The following SLCO5A1 variants were observed in gnomAD, a reference collection of about 807,000 sequenced individuals.
The protein encoded by SLCO5A1 is solute carrier organic anion transporter family member 5A1, also known as organic anion transporter polypeptide-related protein 4.
Under a neutral mutation model 65.1 loss-of-function variants are expected in SLCO5A1, and 39 were observed. The ratio of observed to expected loss-of-function variants is 0.60; its 90% CI spans 0.46 to 0.78. The LOEUF is 0.78. Among genes scored for constraint, SLCO5A1 ranks in the 30% least tolerant of loss-of-function variants. SLCO5A1 has a pLI of 0.00. For missense variants in SLCO5A1, 1,029 were observed against 1,069.4 expected (o/e 0.96, Z 0.53); for synonymous variants, 438 against 415.7 (o/e 1.05, Z -0.65).
chr8:69,679,335 T>C (rs1466234755), intron 8 of SLCO5A1, 43 bp downstream of exon 8: 3 of 1,608,994 alleles, frequency 1.9e-6, no homozygotes, highest in Non-Finnish European at 2.5e-6. Flanking sequence ...CTCTGGAAAT[T>C]ATAAGTACAG....
intron 3 of SLCO5A1, 149 bp downstream of exon 3, chr8:69,761,594 G>A: frequency 1.4e-6 from 1 of 733,444 alleles, no homozygotes; most frequent in South Asian, 1.8e-5. Context: ...GCTTTCTTTG[G>A]GATGTTATTA....
intron 5 of SLCO5A1, among the ~76,000 whole-genome samples, chr8:69,727,231 A>G (rs1816123459): frequency 6.6e-6 from 1 of 152,126 alleles, no homozygotes; most frequent in Admixed American, 6.5e-5. Flanking sequence ...GAGTGGATAG[A>G]TGGATGAATG....
At position 69,704,933 on chromosome 8, in the gene SLCO5A1, T is replaced by C; in HGVS notation, c.1622+98A>G. ...CAGAGCACACACAGGGAGAACAGCT[T>C]GGAGGGAGGGGTATGAGGCTGACTG... On this transcript the variant is annotated intron_variant, in intron 6 of 9. Transcript: ENST00000260126. 6 of 1,105,342 alleles carry C rather than the reference T, an allele frequency of 5.4e-6. No individual in the cohort carries two copies. In the South Asian group the frequency reaches 8.2e-5, roughly 15 times the overall value. The allele number at this position is 1,105,342 out of a possible 1,614,324, so 68.5% of individuals were successfully genotyped here. A position where few individuals can be genotyped will look rare whatever the true frequency, so the allele number is the denominator to read the frequency against.
At chr8:69,788,234 C>T (rs1019898889) in intron 2 of SLCO5A1, among the ~76,000 whole-genome samples, 10 of 152,124 alleles carry the variant, frequency 6.6e-5, no homozygotes, top group African/African-American at 2.2e-4. Context: ...GAAGTATGCT[C>T]ATCCCATAAG....
At chr8:69,789,530 G>A (rs1819179728) in intron 2 of SLCO5A1, among the ~76,000 whole-genome samples, 1 of 152,152 alleles carries the variant, frequency 6.6e-6, no homozygotes, top group Non-Finnish European at 1.5e-5. Context: ...GTTGGGTGGG[G>A]GAGTGGCCGG....
Position 69,705,357 on chromosome 8 carries a change from T to C in SLCO5A1, c.1424-128A>G, listed in dbSNP as rs114610232. 1.8e-3 allele frequency: 1,258 copies of C among 717,598 alleles called. 19 individuals carry two copies. The African/African-American group carries it at 0.02, about 12-fold the overall frequency. The allele number at this position is 717,598 out of a possible 1,614,324, so 44.5% of individuals were successfully genotyped here. A position where few individuals can be genotyped will look rare whatever the true frequency, so the allele number is the denominator to read the frequency against. ...AGTTACTATAATCAATACATCTTCA[T>C]TGTGTGTGATTTTATAGTATAATAT... is the stretch of plus-strand genomic sequence containing the variant. On this transcript the variant is annotated intron_variant, in intron 5 of 9. Coordinates refer to ENST00000260126, the MANE Select transcript of SLCO5A1 (RefSeq NM_030958.3).
At chr8:69,739,449 G>A (rs987463324) in intron 4 of SLCO5A1, among the ~76,000 whole-genome samples, 4 of 152,088 alleles carry the variant, frequency 2.6e-5, no homozygotes, top group African/African-American at 9.7e-5. Context: ...GTACATTTAT[G>A]TAATCTTTAT....
intron 2 of SLCO5A1, among the ~76,000 whole-genome samples, chr8:69,789,442 G>A (rs1819175491): frequency 6.6e-6 from 1 of 152,212 alleles, no homozygotes; most frequent in Non-Finnish European, 1.5e-5. Context: ...AGTGGTCAAA[G>A]ACAGTAAGGG....
At position 69,762,802 on chromosome 8, in the gene SLCO5A1, A is replaced by G. The variant is rs562657591; in HGVS notation, c.908-927T>C. On this transcript the variant is annotated intron_variant, in intron 2 of 9. Transcript: ENST00000260126. ...TGTTAGAATTAAATAAGATGTTACA[A>G]TGCATTTGGTTTACTGTTAATTGAA... is the stretch of plus-strand genomic sequence containing the variant. Among the ~76,000 whole-genome samples, 17 of 152,358 alleles carry G rather than the reference A, an allele frequency of 1.1e-4. No homozygotes were observed. The East Asian group carries it at 3.3e-3, about 29-fold the overall frequency.
chr8:69,834,584 C>T lies in SLCO5A1; in HGVS notation c.-497+270G>A, dbSNP rs1174991787. The stretch of plus-strand genomic sequence containing the variant: ...GGGGAATCCCAGCAAACTCTCGCCG[C>T]TCGCGGGGGGCGTCCGAACCCCCTG... On this transcript the variant is annotated intron_variant, in intron 1 of 9. Coordinates refer to ENST00000260126, the MANE Select transcript of SLCO5A1 (RefSeq NM_030958.3). 3.3e-5 allele frequency among the ~76,000 whole-genome samples: 5 copies of T among 152,244 alleles called. No individual in the cohort carries two copies. In the East Asian group the frequency reaches 5.8e-4, roughly 18 times the overall value.
At chr8:69,683,789 C>T (rs1186353125) in intron 6 of SLCO5A1, among the ~76,000 whole-genome samples, 1 of 152,128 alleles carries the variant, frequency 6.6e-6, no homozygotes, top group African/African-American at 2.4e-5. Flanking sequence ...TCTCGAACTC[C>T]TAACCTCGTG....
intron 6 of SLCO5A1, among the ~76,000 whole-genome samples, chr8:69,691,650 G>A (rs961140392): frequency 6.6e-6 from 1 of 152,104 alleles, no homozygotes; most frequent in Non-Finnish European, 1.5e-5. Context: ...GTTGCATATT[G>A]CAGAATTTCC....
intron 2 of SLCO5A1, among the ~76,000 whole-genome samples, chr8:69,806,766 G>T (rs1386793702): frequency 2.0e-5 from 3 of 152,138 alleles, no homozygotes; most frequent in Non-Finnish European, 2.9e-5. Context: ...ATATTTATTT[G>T]CATGGCAGAC....
intron 5 of SLCO5A1, among the ~76,000 whole-genome samples, chr8:69,733,502 G>C (rs1816423199): frequency 6.6e-6 from 1 of 152,170 alleles, no homozygotes; most frequent in African/African-American, 2.4e-5. Context: ...CGGGCACCCT[G>C]TATAACTGCT....
chr8:69,781,417 TTAAG>T (rs1477831432), intron 2 of SLCO5A1, among the ~76,000 whole-genome samples: 2 of 152,212 alleles, frequency 1.3e-5, no homozygotes, highest in African/African-American at 4.8e-5. Flanking sequence ...TTGGTACACT[TTAAG>T]TAAGGCTGCC....
chr8:69,824,644 C>A (rs1345081415), intron 2 of SLCO5A1, among the ~76,000 whole-genome samples: 1 of 152,120 alleles, frequency 6.6e-6, no homozygotes, highest in Non-Finnish European at 1.5e-5. Flanking sequence ...AATAGCCTAC[C>A]AACCAAAAAG....
intron 2 of SLCO5A1, among the ~76,000 whole-genome samples, chr8:69,768,887 C>T (rs1046963997): frequency 1.3e-5 from 2 of 152,174 alleles, no homozygotes; most frequent in Non-Finnish European, 1.5e-5. Flanking sequence ...GCTATTACTT[C>T]ACTGCTCGTC....
chr8:69,689,904 C>T (rs1461511930), intron 6 of SLCO5A1, among the ~76,000 whole-genome samples: 5 of 152,088 alleles, frequency 3.3e-5, no homozygotes, highest in Admixed American at 3.3e-4. Context: ...ATGGGGATGG[C>T]ATTGAATCTA....
At chr8:69,711,064 G>A (rs893073177) in intron 5 of SLCO5A1, among the ~76,000 whole-genome samples, 4 of 152,046 alleles carry the variant, frequency 2.6e-5, no homozygotes, top group Non-Finnish European at 5.9e-5. Context: ...TAGTAGTTCC[G>A]GGTGAGCTTA....
Sources: allele counts gnomAD v4.1 joint callset (sites outside exome capture counted in the v4.1 genomes callset), GRCh38; gene constraint gnomAD v4.1.1; transcripts MANE v1.5; gene names NCBI Gene and HGNC (gene_info 2026-07-23, HGNC 2026-07-21).